RP1L1: variants seen among roughly 807,000 people sequenced by gnomAD.
The protein encoded by RP1L1 is retinitis pigmentosa 1-like 1 protein.
Under a neutral mutation model 15.7 loss-of-function variants are expected in RP1L1, and 27 were observed. The observed-to-expected ratio is 1.72, with a 90% CI of 1.27 to 2.38. The LOEUF (loss-of-function observed/expected upper bound fraction) is 2.38. Ranked by LOEUF, RP1L1 falls within the 30% of genes most tolerant of loss-of-function variation. The pLI, the probability that RP1L1 is intolerant of heterozygous loss-of-function variation, is 0.00. For synonymous variants in RP1L1, 1,813 were observed against 1,276.7 expected (o/e 1.42, Z -8.96); for missense variants, 4,798 against 3,075.9 (o/e 1.56, Z -13.24).
chr8:10,648,004 T>C (rs555974642), intron 1 of RP1L1, among the ~76,000 whole-genome samples: 1 of 152,158 alleles, frequency 6.6e-6, no homozygotes, highest in Non-Finnish European at 1.5e-5. Flanking sequence ...CTAGCATTTG[T>C]TGTTATTTTC....
intron 3 of RP1L1, among the ~76,000 whole-genome samples, chr8:10,615,210 C>A (rs938245191): frequency 1.8e-4 from 28 of 152,310 alleles, no homozygotes; most frequent in African/African-American, 6.0e-4. Context: ...GATCACTGAG[C>A]CTGTGCTTGT....
intron 2 of RP1L1, among the ~76,000 whole-genome samples, chr8:10,618,397 A>C (rs188325106): frequency 6.6e-6 from 1 of 152,282 alleles, no homozygotes; most frequent in African/African-American, 2.4e-5. Flanking sequence ...AATCCTAGCT[A>C]CTTGGGAGGC....
In RP1L1 at chr8:10,611,642, C is replaced by T. The variant is rs201576854; in HGVS notation, c.2456G>A (p.Gly819Asp). ...TGAGCAGCAGTGGCTTCGGTGGGGG[C>T]CCACCGCCCCTTGCTCAGGCCGTCC... ...QVGRPEQGAV[G>D]PHRSHCCSQP... Residue 819 changes from glycine (G) to aspartate (D), a missense_variant, in exon 4 of 4, where the codon GGC becomes GAC. Gly to Asp is a moderately conservative substitution (Grantham distance 94). Coordinates refer to ENST00000382483, the MANE Select transcript of RP1L1 (RefSeq NM_178857.6). The T allele has an allele frequency of 1.2e-6, 2 of 1,612,430 alleles. No homozygotes were observed. Among genetic ancestry groups the T allele is most frequent in the Non-Finnish European group, 1.7e-6 (2 of 1,179,788 alleles).
Position 10,622,781 on chromosome 8 carries a change from T to C in RP1L1, c.421A>G (p.Thr141Ala). 3.1e-6 allele frequency: 5 copies of C among 1,613,678 alleles called. No individual in the cohort carries two copies. Among genetic ancestry groups the C allele is most frequent in the Non-Finnish European group, 4.2e-6 (5 of 1,179,922 alleles). ...DVEGQREAPGTSSSRKSLKTP... is the reference protein window; with the variant it reads ...DVEGQREAPGASSSRKSLKTP... ...TTAAGACTCTTCCGGGAGGAGGAGG[T>C]GCCTGGGGCTTCACGCTGGCCTTCG... Residue 141 changes from threonine to alanine, a missense_variant, in exon 2 of 4, where the codon ACC (threonine) becomes GCC (alanine). By Grantham distance (58) the Thr-to-Ala change is moderately conservative. Transcript: ENST00000382483.
Position 10,607,346 on chromosome 8 carries a change from C to T in RP1L1, c.6752G>A (p.Gly2251Glu), listed in dbSNP as rs1797721728. 1.2e-6 allele frequency: 2 copies of T among 1,614,012 alleles called. No homozygotes were observed. Among genetic ancestry groups the T allele is most frequent in the African/African-American group, 1.3e-5 (1 of 74,932 alleles). The change falls in exon 4 of 4, where the codon GGG (glycine) becomes GAG (glutamate). Residue 2251 changes from glycine (G) to glutamate (E), a missense_variant. Coordinates refer to ENST00000382483, the MANE Select transcript of RP1L1 (RefSeq NM_178857.6). ...ATCTCCTAGACTGACCTGAGGGCTC[C>T]CCTTTTTCTCACCTTGAGTTTCTCC... Reference protein sequence around the residue: ...SEGETQGEKKGSPQVSLGDGQ... With the variant: ...SEGETQGEKKESPQVSLGDGQ...
rs748012026 is a variant in RP1L1 at position 10,609,258 on chromosome 8, G to C, written c.4840C>G (p.Arg1614Gly). 3.1e-6 allele frequency: 5 copies of C among 1,608,744 alleles called. No homozygotes were observed. The highest frequency in any genetic ancestry group is 4.2e-6 in the Non-Finnish European group (5 of 1,179,654). Residue 1614 changes from arginine to glycine, a missense_variant, in exon 4 of 4, where the codon CGA (arginine) becomes GGA (glycine). By Grantham distance (125) the Arg-to-Gly change is moderately radical. Coordinates refer to ENST00000382483, the MANE Select transcript of RP1L1 (RefSeq NM_178857.6). ...QQRRHRLRGL[R>G]NLSAFSERTL... The stretch of plus-strand genomic sequence containing the variant: ...CGCTCAGAGAAGGCCGAGAGGTTTC[G>C]CAGGCCCCGGAGACGGTGTCTGCGC...
intron 1 of RP1L1, among the ~76,000 whole-genome samples, chr8:10,637,976 G>A (rs79347008): frequency 0.01 from 1,533 of 152,314 alleles, 21 homozygotes; most frequent in African/African-American, 0.035. Context: ...GGTCCCCTTT[G>A]CAACAAGAAT....
intron 1 of RP1L1, among the ~76,000 whole-genome samples, chr8:10,646,980 C>T (rs796366834): frequency 1.2e-4 from 18 of 152,306 alleles, no homozygotes; most frequent in African/African-American, 3.4e-4. Context: ...AAGAAAGCCT[C>T]GCCCGAGGCG....
intron 1 of RP1L1, among the ~76,000 whole-genome samples, chr8:10,652,977 G>A (rs1798584600): frequency 6.6e-6 from 1 of 152,172 alleles, no homozygotes; most frequent in South Asian, 2.1e-4. Context: ...CAGTGCCTCA[G>A]GCCACTGTTA....
At chr8:10,646,850 A>G (rs1345057409) in intron 1 of RP1L1, among the ~76,000 whole-genome samples, 1 of 152,240 alleles carries the variant, frequency 6.6e-6, no homozygotes, top group Non-Finnish European at 1.5e-5. Context: ...TGAAGATTAA[A>G]CAAAGATGGG....
chr8:10,622,491 C>G (rs1798076337), intron 2 of RP1L1, 102 bp downstream of exon 2: 3 of 1,514,624 alleles, frequency 2.0e-6, no homozygotes, highest in South Asian at 1.1e-5. Flanking sequence ...GCAGGGCAAT[C>G]AAATGCCTCT....
chr8:10,644,181 T>C (rs957241456), intron 1 of RP1L1, among the ~76,000 whole-genome samples: 3 of 151,674 alleles, frequency 2.0e-5, no homozygotes, highest in Admixed American at 2.0e-4. Context: ...GCAACTGATA[T>C]CACAGGGTTA....
In RP1L1 at chr8:10,610,364, T is replaced by G; in HGVS notation, c.3734A>C (p.Glu1245Ala). The change falls in exon 4 of 4, where the codon GAG becomes GCG. Residue 1245 changes from glutamate to alanine, a missense_variant. Coordinates refer to ENST00000382483, the MANE Select transcript of RP1L1 (RefSeq NM_178857.6). Reference sequence around the variant, plus strand: ...TTGGTTTTCCAGATCCCCTGGGCTCTCATAAGTTCTTGAATCAGGCCTCTG... The same window carrying G: ...TTGGTTTTCCAGATCCCCTGGGCTCGCATAAGTTCTTGAATCAGGCCTCTG... ...SNQRPDSRTYESPGDLENQQQ... is the reference protein window; with the variant it reads ...SNQRPDSRTYASPGDLENQQQ... 6.2e-7 allele frequency: 1 copy of G among 1,614,148 alleles called. No individual in the cohort carries two copies. Among genetic ancestry groups the G allele is most frequent in the Non-Finnish European group, 8.5e-7 (1 of 1,180,040 alleles).
chr8:10,645,314 G>A (rs921914967), intron 1 of RP1L1, among the ~76,000 whole-genome samples: 2 of 152,166 alleles, frequency 1.3e-5, no homozygotes, highest in African/African-American at 4.8e-5. Flanking sequence ...GCTACAGAGT[G>A]AGACCCTGTA....
chr8:10,639,407 G>T (rs959166921), intron 1 of RP1L1, among the ~76,000 whole-genome samples: 1 of 152,078 alleles, frequency 6.6e-6, no homozygotes, highest in Non-Finnish European at 1.5e-5. Context: ...TAGAGACAGG[G>T]TCTTGCTCAG....
intron 1 of RP1L1, among the ~76,000 whole-genome samples, chr8:10,630,614 C>T (rs747397271): frequency 2.0e-5 from 3 of 152,204 alleles, no homozygotes; most frequent in Non-Finnish European, 4.4e-5. Flanking sequence ...TTGCACCTCC[C>T]GGCAGGCAGC....
At chr8:10,614,211 T>A (rs1347783835) in intron 3 of RP1L1, among the ~76,000 whole-genome samples, 1 of 152,138 alleles carries the variant, frequency 6.6e-6, no homozygotes, top group Non-Finnish European at 1.5e-5. Flanking sequence ...TGATTATTAG[T>A]GGTGATTTAT....
intron 1 of RP1L1, among the ~76,000 whole-genome samples, chr8:10,649,015 C>A (rs1156810810): frequency 1.3e-5 from 2 of 152,166 alleles, no homozygotes; most frequent in Non-Finnish European, 2.9e-5. Flanking sequence ...CCTCCCAGCC[C>A]TACTTTCATG....
intron 1 of RP1L1, among the ~76,000 whole-genome samples, chr8:10,625,495 G>C (rs1325297235): frequency 4.0e-5 from 6 of 151,778 alleles, no homozygotes; most frequent in Admixed American, 3.9e-4. Flanking sequence ...GGGTCAAGTG[G>C]GGAGCCCATG....
Sources: allele counts gnomAD v4.1 joint callset (sites outside exome capture counted in the v4.1 genomes callset), GRCh38; gene constraint gnomAD v4.1.1; transcripts MANE v1.5; gene names NCBI Gene and HGNC (gene_info 2026-07-23, HGNC 2026-07-21).